EPHA6: variants seen among roughly 807,000 people sequenced by gnomAD.
The protein encoded by EPHA6 is ephrin type-A receptor 6.
EPHA6 carries 50 observed loss-of-function variants against 112.0 expected under a neutral mutation model. The ratio of observed to expected loss-of-function variants is 0.45; its 90% CI spans 0.36 to 0.56. EPHA6 has a LOEUF of 0.56. Among genes scored for constraint, EPHA6 ranks in the 20% least tolerant of loss-of-function variants. EPHA6 has a pLI of 0.00. For synonymous variants in EPHA6, 529 were observed against 490.7 expected (o/e 1.08, Z -1.03); for missense variants, 1,280 against 1,417.4 (o/e 0.90, Z 1.56).
intron 3 of EPHA6, among the ~76,000 whole-genome samples, chr3:97,085,810 C>G (rs1183701757): frequency 6.6e-6 from 1 of 151,552 alleles, no homozygotes; most frequent in Non-Finnish European, 1.5e-5. Context: ...CTTTTCATCT[C>G]TTTTCAGTTA....
At chr3:97,368,983 C>A (rs2084896980) in intron 5 of EPHA6, among the ~76,000 whole-genome samples, 1 of 152,116 alleles carries the variant, frequency 6.6e-6, no homozygotes, top group South Asian at 2.1e-4. Flanking sequence ...GAAAAAAGAT[C>A]TGATATCTAA....
At chr3:97,181,225 T>C (rs1196030994) in intron 3 of EPHA6, among the ~76,000 whole-genome samples, 1 of 152,118 alleles carries the variant, frequency 6.6e-6, no homozygotes, top group African/African-American at 2.4e-5. Flanking sequence ...CTCCCAACCA[T>C]ATTGCTGCTG....
intron 3 of EPHA6, among the ~76,000 whole-genome samples, chr3:97,122,853 G>A (rs1356793619): frequency 6.6e-6 from 1 of 151,916 alleles, no homozygotes; most frequent in Non-Finnish European, 1.5e-5. Flanking sequence ...ATGATATGTT[G>A]ATAAGGCAAA....
intron 11 of EPHA6, among the ~76,000 whole-genome samples, chr3:97,582,966 C>T (rs755432550): frequency 6.6e-6 from 1 of 151,430 alleles, no homozygotes; most frequent in Non-Finnish European, 1.5e-5. Flanking sequence ...CAGCAAGACT[C>T]ACACTAGCAA....
chr3:97,311,817 C>CAATATATTGTACAAAACAAAACAA (rs1553743617), intron 5 of EPHA6, among the ~76,000 whole-genome samples: 1 of 151,304 alleles, frequency 6.6e-6, no homozygotes, highest in African/African-American at 2.4e-5. Context: ...CAAAACAAAA[C>CAATATATTGTACAAAACAAAACAA]AAAATATATT....
At chr3:97,330,477 A>G (rs1212887237) in intron 5 of EPHA6, among the ~76,000 whole-genome samples, 21 of 151,966 alleles carry the variant, frequency 1.4e-4, no homozygotes, top group Admixed American at 1.4e-3. Context: ...ATTTATTTGT[A>G]TCCTCTTTTA....
chr3:97,149,864 T>C (rs1245653579), intron 3 of EPHA6, among the ~76,000 whole-genome samples: 1 of 149,498 alleles, frequency 6.7e-6, no homozygotes, highest in Non-Finnish European at 1.5e-5. Context: ...ATATAATACA[T>C]TATATGCATT....
chr3:97,257,955 T>C (rs1191739469), intron 5 of EPHA6, among the ~76,000 whole-genome samples: 13 of 152,082 alleles, frequency 8.5e-5, no homozygotes, highest in Non-Finnish European at 1.0e-4. Context: ...ATTAAATTTA[T>C]GAAATGTTAC....
intron 14 of EPHA6, among the ~76,000 whole-genome samples, chr3:97,650,838 C>G (rs1475785213): frequency 1.8e-5 from 2 of 110,008 alleles, no homozygotes; most frequent in Non-Finnish European, 3.4e-5. Flanking sequence ...GCCTGGGCAA[C>G]AGTTCAAGAC....
chr3:96,953,536 A>C (rs944278048), intron 2 of EPHA6, among the ~76,000 whole-genome samples: 5 of 152,176 alleles, frequency 3.3e-5, no homozygotes, highest in Non-Finnish European at 7.3e-5. Context: ...TATAGAAGAA[A>C]CTTGACTTTT....
intron 3 of EPHA6, among the ~76,000 whole-genome samples, chr3:97,180,532 G>A (rs564083386): frequency 6.6e-6 from 1 of 152,166 alleles, no homozygotes; most frequent in East Asian, 1.9e-4. Flanking sequence ...ATCACTGCTG[G>A]TTATTCAGGG....
intron 14 of EPHA6, among the ~76,000 whole-genome samples, chr3:97,638,896 A>T (rs1217937719): frequency 6.6e-6 from 1 of 152,124 alleles, no homozygotes; most frequent in Non-Finnish European, 1.5e-5. Context: ...AAAGATTTTT[A>T]TTATATTCTT....
At chr3:96,962,217 C>A (rs1056729977) in intron 2 of EPHA6, among the ~76,000 whole-genome samples, 8 of 151,868 alleles carry the variant, frequency 5.3e-5, no homozygotes, top group Non-Finnish European at 1.2e-4. Flanking sequence ...AGGAAATGGG[C>A]AGAGCTTTGA....
intron 6 of EPHA6, among the ~76,000 whole-genome samples, chr3:97,427,465 C>T (rs1468453311): frequency 2.6e-5 from 4 of 152,098 alleles, no homozygotes; most frequent in Non-Finnish European, 5.9e-5. Flanking sequence ...TGCATGTTCT[C>T]ACTTATAAGT....
At chr3:96,959,885 C>T (rs1048227409) in intron 2 of EPHA6, among the ~76,000 whole-genome samples, 1 of 151,678 alleles carries the variant, frequency 6.6e-6, no homozygotes, top group Non-Finnish European at 1.5e-5. Flanking sequence ...TTGAAAGTTT[C>T]CCAAAATGTG....
chr3:97,388,398 C>A (rs61510839), intron 5 of EPHA6, among the ~76,000 whole-genome samples: 18,275 of 151,904 alleles, frequency 0.12, 3,517 homozygotes, highest in African/African-American at 0.4. Context: ...AGTTTTACTT[C>A]TATATGTACA....
intron 5 of EPHA6, among the ~76,000 whole-genome samples, chr3:97,392,479 G>T (rs1163705280): frequency 1.3e-5 from 2 of 151,126 alleles, no homozygotes; most frequent in African/African-American, 4.9e-5. Flanking sequence ...GGATTTGGGG[G>T]TATTGCTATT....
rs146763222 is a variant in EPHA6 at position 97,608,088 on chromosome 3, T to TA, written c.2513-2691dup. Among the ~76,000 whole-genome samples the TA allele has an allele frequency of 4.2e-3, 589 of 140,904 alleles. 5 individuals carry two copies. Among genetic ancestry groups the TA allele is most frequent in the East Asian group, 0.024 (118 of 4,940 alleles). 92.4% of individuals were successfully genotyped at this position (140,904 alleles called of 152,430 possible). On this transcript the variant is annotated intron_variant, in intron 12 of 17. Coordinates refer to ENST00000389672, the MANE Select transcript of EPHA6 (RefSeq NM_001080448.3). ...AATTACAGGCTAGATGGAGCAATAGTAAAAAAAAAAAAAATTCCTTAGTTC... is the reference window on the plus strand; with the variant it reads ...AATTACAGGCTAGATGGAGCAATAGTAAAAAAAAAAAAAAATTCCTTAGTTC...
intron 13 of EPHA6, among the ~76,000 whole-genome samples, chr3:97,617,398 C>T (rs762616039): frequency 3.3e-5 from 5 of 152,010 alleles, no homozygotes; most frequent in East Asian, 1.9e-4. Flanking sequence ...GCTAGCATCA[C>T]GATGTCAGGA....
Sources: gnomAD v4.1 joint callset for allele counts (sites outside exome capture counted in the v4.1 genomes callset) on GRCh38, gnomAD v4.1.1 for gene constraint, MANE v1.5 for transcripts, NCBI Gene and HGNC (gene_info 2026-07-23, HGNC 2026-07-21) for gene names.